Variants in SNU13 observed in about 807,000 individuals in gnomAD.
SNU13 encodes the protein small nuclear ribonucleoprotein 13.
A neutral mutation model predicts 12.4 loss-of-function variants in SNU13; 2 were observed. The ratio of observed to expected loss-of-function variants is 0.16; its 90% confidence interval spans 0.07 to 0.51. The LOEUF (loss-of-function observed/expected upper bound fraction) is 0.51. Among genes scored for constraint, SNU13 ranks in the 20% least tolerant of loss-of-function variants. The pLI, the probability that SNU13 is intolerant of heterozygous loss-of-function variation, is 0.96. For synonymous variants in SNU13, 68 were observed against 66.5 expected, an observed-to-expected ratio of 1.02 and a Z score of -0.11; for missense variants, 66 against 157.8, an observed-to-expected ratio of 0.42 and a Z score of 3.12.
At chr22:41,676,711 C>T (rs1454963420) in intron 2 of SNU13, among the ~76,000 whole-genome samples, 1 of 152,154 alleles carries the variant, frequency 6.6e-6, no homozygotes, top group Non-Finnish European at 1.5e-5. Flanking sequence ...CATCATCTAT[C>T]CCATGTGGCA....
upstream of SNU13, chr22:41,688,882 A>C (rs1423400701): frequency 4.7e-6 from 7 of 1,503,104 alleles, no homozygotes; most frequent in Non-Finnish European, 6.3e-6. Context: ...AACTCACAGA[A>C]GCAGCAGCGG....
chr22:41,686,444 A>G (rs1021069789), intron 1 of SNU13, among the ~76,000 whole-genome samples: 1 of 151,480 alleles, frequency 6.6e-6, no homozygotes, highest in Non-Finnish European at 1.5e-5. Flanking sequence ...AACTGGGACT[A>G]CAGGCATGCA....
intron 1 of SNU13, chr22:41,682,458 G>C (rs1027455866): frequency 6.2e-7 from 1 of 1,601,594 alleles, no homozygotes; most frequent in Non-Finnish European, 8.5e-7. Flanking sequence ...CGGATGCCCC[G>C]CCCCCAAGAG....
At chr22:41,681,913 TG>T (rs1453479461) in intron 1 of SNU13, among the ~76,000 whole-genome samples, 1 of 152,170 alleles carries the variant, frequency 6.6e-6, no homozygotes, top group African/African-American at 2.4e-5. Context: ...GGGAGCATAT[TG>T]GGTGAGTGGC....
chr22:41,682,556 T>G, intron 1 of SNU13: 1 of 1,459,896 alleles, frequency 6.8e-7, no homozygotes, highest in Non-Finnish European at 9.0e-7. Flanking sequence ...TAACTCCTTA[T>G]CTTAGGCGAA....
chr22:41,682,526 A>G lies in SNU13; in HGVS notation c.4-2162T>C, dbSNP rs1020282008. ...GACGTCCAGGGCCAGCCCGTACACCAGGACGCCCTGTCTTCTACGTAACTC... is the reference window on the plus strand; with the variant it reads ...GACGTCCAGGGCCAGCCCGTACACCGGGACGCCCTGTCTTCTACGTAACTC... On this transcript the variant is annotated intron_variant, in intron 1 of 2. Coordinates refer to ENST00000401959, the MANE Select transcript of SNU13 (RefSeq NM_001003796.2). 3.3e-6 allele frequency: 5 copies of G among 1,516,388 alleles called. No individual in the cohort carries two copies. The African/African-American group carries it at 4.1e-5, about 13-fold the overall frequency. The allele number at this position is 1,516,388 out of a possible 1,614,324, so 93.9% of individuals were successfully genotyped here.
rs567642195 is a variant in SNU13 at position 41,684,985 on chromosome 22, G to A, written c.3+3809C>T. On this transcript the variant is annotated intron_variant, in intron 1 of 2. Coordinates refer to ENST00000401959, the MANE Select transcript of SNU13 (RefSeq NM_001003796.2). ...GCCTGGATGACATGGTGAAACCCCC[G>A]TCTCTACTAAGAATACAAAAATTAT... Among the ~76,000 whole-genome samples the A allele has an allele frequency of 5.9e-5, 9 of 152,076 alleles. No individual in the cohort carries two copies. The East Asian group carries it at 1.6e-3, about 26-fold the overall frequency.
Position 41,674,803 on chromosome 22 carries a change from A to G in SNU13, c.*130T>C. 1 of 1,313,668 alleles carries G rather than the reference A, an allele frequency of 7.6e-7. No individual in the cohort carries two copies. 81.4% of individuals were successfully genotyped at this position (1,313,668 alleles called of 1,614,324 possible). A position where few individuals can be genotyped will look rare whatever the true frequency, so the allele number is the denominator to read the frequency against. On this transcript the variant is annotated 3_prime_UTR_variant, in exon 3 of 3. Transcript: ENST00000401959. ...CAGAACAAAAACAACACAAAAATCCAGAAACCAGATTTAGTACTACATTTT... is the reference window on the plus strand; with the variant it reads ...CAGAACAAAAACAACACAAAAATCCGGAAACCAGATTTAGTACTACATTTT...
Position 41,688,799 on chromosome 22 carries a change from C to A in SNU13, c.-3G>T. 1 of 1,601,110 alleles carries A rather than the reference C, an allele frequency of 6.2e-7. No homozygotes were observed. The highest frequency in any genetic ancestry group is 8.5e-7 in the Non-Finnish European group (1 of 1,170,668). ...CGGCCGGCGCACGCACTCACCATGG[C>A]TGCGGTTCCGCGGGCTCAGCACTCC... On this transcript the variant is annotated 5_prime_UTR_variant, in exon 1 of 3. Coordinates refer to ENST00000401959, the MANE Select transcript of SNU13 (RefSeq NM_001003796.2).
At position 41,688,828 on chromosome 22, in the gene SNU13, G is replaced by A. The variant is rs2068335327; in HGVS notation, c.-32C>T. 1 of 1,579,838 alleles carries A rather than the reference G, an allele frequency of 6.3e-7. No individual in the cohort carries two copies. The highest frequency in any genetic ancestry group is 1.1e-5 in the South Asian group (1 of 89,628). On this transcript the variant is annotated 5_prime_UTR_variant, in exon 1 of 3. Coordinates refer to ENST00000401959, the MANE Select transcript of SNU13 (RefSeq NM_001003796.2). ...GGTTCCGCGGGCTCAGCACTCCTAG[G>A]GGAGCGCAGCTGACGTTTCAGAAGC...
chr22:41,675,230 G>A, intron 2 of SNU13, 35 bp from the exon 3 acceptor site: 2 of 1,603,188 alleles, frequency 1.2e-6, no homozygotes, highest in Non-Finnish European at 1.7e-6. Context: ...AATAGGTGAT[G>A]TGGGCTTGGG....
At chr22:41,676,268 G>T (rs2068213054) in intron 2 of SNU13, among the ~76,000 whole-genome samples, 1 of 152,056 alleles carries the variant, frequency 6.6e-6, no homozygotes, top group Non-Finnish European at 1.5e-5. Context: ...ACACCCCACA[G>T]CACCGTTTCA....
intron 1 of SNU13, among the ~76,000 whole-genome samples, chr22:41,683,804 C>T (rs752560424): frequency 2.0e-5 from 3 of 152,208 alleles, no homozygotes; most frequent in Non-Finnish European, 4.4e-5. Context: ...CAGTGTCAAA[C>T]TGAACTAGCT....
intron 1 of SNU13, among the ~76,000 whole-genome samples, chr22:41,683,840 G>A (rs2068286703): frequency 6.6e-6 from 1 of 152,118 alleles, no homozygotes; most frequent in Admixed American, 6.6e-5. Context: ...AATATCCAGG[G>A]TTTGTTGTCT....
At chr22:41,686,935 G>C (rs190074323) in intron 1 of SNU13, among the ~76,000 whole-genome samples, 30 of 147,530 alleles carry the variant, frequency 2.0e-4, no homozygotes, top group African/African-American at 7.5e-4. Flanking sequence ...GGAAATTTTG[G>C]TTAATAATTT....
At chr22:41,688,900 C>A, upstream of SNU13, 1 of 1,476,766 alleles carries the variant, frequency 6.8e-7, no homozygotes, top group Non-Finnish European at 9.1e-7. Flanking sequence ...CGGAAATGGC[C>A]CCGCGCGGCA....
At chr22:41,682,682 A>G in intron 1 of SNU13, 1 of 708,072 alleles carries the variant, frequency 1.4e-6, no homozygotes, top group Non-Finnish European at 2.0e-6. Flanking sequence ...TCTCTTCCTC[A>G]TACATTTATT....
At chr22:41,675,415 ACTT>A (rs1049706514) in intron 2 of SNU13, among the ~76,000 whole-genome samples, 16 of 149,716 alleles carry the variant, frequency 1.1e-4, no homozygotes, top group East Asian at 5.8e-4. Context: ...GAATCTGACC[ACTT>A]CTTCTTCTTC....
At chr22:41,682,535 T>G (rs1221230914) in intron 1 of SNU13, 2 of 1,499,600 alleles carry the variant, frequency 1.3e-6, no homozygotes, top group African/African-American at 1.4e-5. Context: ...CAGGACGCCC[T>G]GTCTTCTACG....
Sources: gnomAD v4.1 joint callset for allele counts (sites outside exome capture counted in the v4.1 genomes callset) on GRCh38, gnomAD v4.1.1 for gene constraint, MANE v1.5 for transcripts, NCBI Gene and HGNC (gene_info 2026-07-23, HGNC 2026-07-21) for gene names.